Variants in ABCA12 observed in about 807,000 individuals in gnomAD.
ABCA12 encodes the protein glucosylceramide transporter ABCA12.
A neutral mutation model predicts 293.5 loss-of-function variants in ABCA12; 156 were observed. That is an observed-to-expected ratio of 0.53 (90% CI 0.47 to 0.61). ABCA12 has a LOEUF of 0.61. ABCA12 is among the 20% of genes least tolerant of loss of function. ABCA12 has a pLI of 0.00. For synonymous variants in ABCA12, 1,063 were observed against 1,108.0 expected, an observed-to-expected ratio of 0.96 and a Z score of 0.81; for missense variants, 2,797 against 3,090.2, an observed-to-expected ratio of 0.91 and a Z score of 2.25.
intron 36 of ABCA12, 37 bp downstream of exon 36, chr2:214,973,912 A>G: frequency 6.5e-7 from 1 of 1,535,994 alleles, no homozygotes; most frequent in South Asian, 1.1e-5. Context: ...TTATTCCCGT[A>G]TTTTTCCCAT....
At chr2:215,065,334 C>G (rs1479627665) in intron 2 of ABCA12, among the ~76,000 whole-genome samples, 1 of 136,764 alleles carries the variant, frequency 7.3e-6, no homozygotes, top group African/African-American at 2.8e-5. Flanking sequence ...AAAGAGTGCC[C>G]GTACAGGTCT....
intron 2 of ABCA12, among the ~76,000 whole-genome samples, chr2:215,082,295 G>A (rs1343775262): frequency 3.3e-5 from 5 of 151,450 alleles, no homozygotes; most frequent in Non-Finnish European, 4.4e-5. Flanking sequence ...CACCTGCCTC[G>A]GCCTCCCAAA....
chr2:214,934,252 G>A, intron 51 of ABCA12, 37 bp from the exon 52 acceptor site: 2 of 1,612,278 alleles, frequency 1.2e-6, no homozygotes, highest in Non-Finnish European at 1.7e-6. Context: ...ATTTTGCAAT[G>A]TCTGGTAATG....
chr2:215,074,421 T>C (rs1462637709), intron 2 of ABCA12, among the ~76,000 whole-genome samples: 1 of 152,196 alleles, frequency 6.6e-6, no homozygotes, highest in East Asian at 1.9e-4. Context: ...AGTTTCATTC[T>C]AGAAGGATTT....
rs1699011557 is a variant in ABCA12 at position 214,958,262 on chromosome 2, A to G, written c.6117+15T>C. The G allele has an allele frequency of 6.2e-7, 1 of 1,613,728 alleles. No homozygotes were observed. The highest frequency in any genetic ancestry group is 1.3e-5 in the African/African-American group (1 of 74,924). On this transcript the variant is annotated intron_variant, in intron 41 of 52. Transcript: ENST00000272895. ...GATCTTTTATTCCCTGCAATGAAGG[A>G]CATAAGTTACTCACCATGTCATAAA...
At chr2:214,934,844 C>T (rs924612232) in intron 51 of ABCA12, among the ~76,000 whole-genome samples, 4 of 151,936 alleles carry the variant, frequency 2.6e-5, no homozygotes, top group African/African-American at 9.7e-5. Flanking sequence ...TTTATTTTTC[C>T]TCTAAAATAC....
intron 2 of ABCA12, among the ~76,000 whole-genome samples, chr2:215,109,259 T>G (rs2106125386): frequency 6.6e-6 from 1 of 152,278 alleles, no homozygotes; most frequent in South Asian, 2.1e-4. Context: ...TAGAAAAAAT[T>G]TGTGTATAAA....
chr2:214,975,662 C>A, intron 34 of ABCA12, 123 bp downstream of exon 34: 2 of 1,322,616 alleles, frequency 1.5e-6, no homozygotes, highest in Admixed American at 1.7e-5. Context: ...ATTCCTTTAG[C>A]AGAATCAGGT....
chr2:215,117,752 A>C (rs942775139), intron 1 of ABCA12, among the ~76,000 whole-genome samples: 4 of 152,226 alleles, frequency 2.6e-5, no homozygotes, highest in African/African-American at 9.6e-5. Context: ...TAAGTAAACA[A>C]GTCTAACTAT....
chr2:215,130,657 T>C (rs1341786711), intron 1 of ABCA12, among the ~76,000 whole-genome samples: 2 of 152,086 alleles, frequency 1.3e-5, no homozygotes, highest in African/African-American at 2.4e-5. Context: ...AGGTATATGA[T>C]CATGGCATAT....
chr2:214,985,389 C>T (rs560805604), intron 28 of ABCA12, among the ~76,000 whole-genome samples: 1 of 152,220 alleles, frequency 6.6e-6, no homozygotes, highest in East Asian at 1.9e-4. Context: ...TAACACCACA[C>T]AGTGGGGCTT....
At chr2:215,117,592 A>C (rs1427301525) in intron 1 of ABCA12, among the ~76,000 whole-genome samples, 1 of 152,200 alleles carries the variant, frequency 6.6e-6, no homozygotes, top group African/African-American at 2.4e-5. Context: ...AAAGCATATA[A>C]TTTCAACTTT....
chr2:214,948,668 G>A lies in ABCA12; in HGVS notation c.7032C>T (p.Asp2344=). ...GYCPQEDALD[D]LVTVEEHLYF... is the part of the protein sequence containing the mutation. Reference sequence around the variant, plus strand: ...ACAAATGTTCTTCCACAGTTACCAGGTCATCTAAGGCATCTTCCTGAGGAC... The same window carrying A: ...ACAAATGTTCTTCCACAGTTACCAGATCATCTAAGGCATCTTCCTGAGGAC... The change falls in exon 47 of 53, where the codon GAC becomes GAT. Residue 2344 remains aspartate (D), a synonymous_variant. Transcript: ENST00000272895. The A allele has an allele frequency of 6.2e-7, 1 of 1,613,978 alleles. No homozygotes were observed. Among genetic ancestry groups the A allele is most frequent in the Non-Finnish European group, 8.5e-7 (1 of 1,179,936 alleles).
chr2:215,087,742 G>A (rs1470927470), intron 2 of ABCA12, among the ~76,000 whole-genome samples: 1 of 152,140 alleles, frequency 6.6e-6, no homozygotes, highest in Non-Finnish European at 1.5e-5. Flanking sequence ...TGAAGGATAA[G>A]TTGGAGCTAA....
At chr2:214,999,858 G>A in intron 22 of ABCA12, 1 of 981,638 alleles carries the variant, frequency 1.0e-6, no homozygotes, top group Non-Finnish European at 1.2e-6. Flanking sequence ...AAGTAGCCAA[G>A]GGAGACAGAA....
chr2:214,991,117 G>A, intron 23 of ABCA12, 86 bp from the exon 24 acceptor site: 4 of 1,206,362 alleles, frequency 3.3e-6, no homozygotes, highest in African/African-American at 1.5e-5. Flanking sequence ...AAAATGTCAT[G>A]ATAGTCTCTC....
chr2:215,059,872 C>A (rs1187532603), intron 3 of ABCA12, among the ~76,000 whole-genome samples: 3 of 152,026 alleles, frequency 2.0e-5, no homozygotes, highest in African/African-American at 4.8e-5. Flanking sequence ...GCCAACTATG[C>A]AACTGCCTCT....
chr2:215,055,382 G>A (rs1016527153), intron 3 of ABCA12, among the ~76,000 whole-genome samples: 7 of 151,962 alleles, frequency 4.6e-5, no homozygotes, highest in Admixed American at 6.6e-5. Flanking sequence ...CTAAAAATTC[G>A]CTTTTTGTTT....
rs776898998 is a variant in ABCA12, at chr2:215,064,161, T to G, written c.222A>C (p.Leu74=). ...STGFFPFLQT[L]LCDTDSKCKD... is the part of the protein sequence containing the mutation. ...TGCATTTAGAGTCTGTGTCACAGAG[T>G]AGGGTCTGCAGGAATGGAAAGAATC... The change falls in exon 3 of 53, where the codon CTA becomes CTC. Residue 74 remains leucine (L), a synonymous_variant. Coordinates refer to ENST00000272895, the MANE Select transcript of ABCA12 (RefSeq NM_173076.3). The G allele has an allele frequency of 6.2e-7, 1 of 1,612,636 alleles. No individual in the cohort carries two copies. Among genetic ancestry groups the G allele is most frequent in the East Asian group, 2.2e-5 (1 of 44,800 alleles).
Sources: allele counts gnomAD v4.1 joint callset (sites outside exome capture counted in the v4.1 genomes callset), GRCh38; gene constraint gnomAD v4.1.1; transcripts MANE v1.5; gene names NCBI Gene and HGNC (gene_info 2026-07-23, HGNC 2026-07-21).